Variants in DENND1A observed in about 807,000 individuals in gnomAD.
DENND1A encodes the protein DENN domain containing 1A, also known as DENN domain-containing protein 1A.
A neutral mutation model predicts 113.7 loss-of-function variants in DENND1A; 51 were observed. The observed-to-expected ratio is 0.45, with a 90% confidence interval of 0.36 to 0.57. DENND1A has a LOEUF of 0.57. DENND1A is among the 20% of genes least tolerant of loss of function. DENND1A has a pLI of 0.00. For missense variants in DENND1A, 1,258 were observed against 1,395.9 expected (o/e 0.90, Z 1.57); for synonymous variants, 565 against 570.8 (o/e 0.99, Z 0.14).
intron 2 of DENND1A, among the ~76,000 whole-genome samples, chr9:123,811,067 G>A (rs1836515345): frequency 6.6e-6 from 1 of 151,972 alleles, no homozygotes; most frequent in South Asian, 2.1e-4. Flanking sequence ...CCAAATCCCT[G>A]AACCTTTTCA....
Position 123,544,982 on chromosome 9 carries a change from T to C in DENND1A, c.993+12588A>G, listed in dbSNP as rs531789014. ...TCGTGGTGGCGGGCGCCTGTAGTCC[T>C]AGCTACTTGGGAGGCTGAGGCAGGA... On this transcript the variant is annotated intron_variant, in intron 13 of 23. Coordinates refer to ENST00000394215, the MANE Select transcript of DENND1A (RefSeq NM_001352964.2). 9.2e-4 allele frequency among the ~76,000 whole-genome samples: 140 copies of C among 151,886 alleles called. 2 individuals are homozygous for C. Among genetic ancestry groups the C allele is most frequent in the African/African-American group, 3.2e-3 (131 of 41,366 alleles).
chr9:123,451,363 A>G (rs1467676644), intron 17 of DENND1A, among the ~76,000 whole-genome samples: 5 of 152,374 alleles, frequency 3.3e-5, no homozygotes, highest in Middle Eastern at 3.4e-3. Flanking sequence ...ACCCCGCTTC[A>G]GTGGCTCACG....
At chr9:123,526,176 C>CAT (rs1329927889) in intron 13 of DENND1A, among the ~76,000 whole-genome samples, 2 of 151,344 alleles carry the variant, frequency 1.3e-5, no homozygotes, top group Non-Finnish European at 3.0e-5. Context: ...CATGTGCACA[C>CAT]ACACACACAC....
At chr9:123,452,714 C>T (rs1035258293) in intron 16 of DENND1A, among the ~76,000 whole-genome samples, 2 of 152,092 alleles carry the variant, frequency 1.3e-5, no homozygotes, top group Non-Finnish European at 1.5e-5. Flanking sequence ...CTAGTTACCA[C>T]GGATGACACT....
Position 123,641,663 on chromosome 9 carries a change from ATGAACT to A in DENND1A, c.618+10344_618+10349del, listed in dbSNP as rs376179412. Among the ~76,000 whole-genome samples the A allele has an allele frequency of 4.2e-3, 642 of 152,318 alleles. 1 individual carries two copies. The highest frequency in any genetic ancestry group is 6.8e-3 in the Middle Eastern group (2 of 294). On this transcript the variant is annotated intron_variant, in intron 9 of 23. Coordinates refer to ENST00000394215, the MANE Select transcript of DENND1A (RefSeq NM_001352964.2). ...GTCGGTACGCATAAACATCTTCTAA[ATGAACT>A]TGATCAGTCTCTATTATGTCGTCTC... is the stretch of plus-strand genomic sequence containing the variant.
chr9:123,596,588 G>C (rs1047716195), intron 11 of DENND1A, among the ~76,000 whole-genome samples: 1 of 152,142 alleles, frequency 6.6e-6, no homozygotes, highest in Non-Finnish European at 1.5e-5. Context: ...CCAAAGCCTG[G>C]TGCCTTTCTC....
At chr9:123,905,334 A>T (rs1373735101) in intron 1 of DENND1A, among the ~76,000 whole-genome samples, 1 of 150,890 alleles carries the variant, frequency 6.6e-6, no homozygotes, top group African/African-American at 2.5e-5. Flanking sequence ...TCATAATGAC[A>T]GGATCAAATT....
chr9:123,496,448 A>C (rs2051923238), intron 13 of DENND1A, among the ~76,000 whole-genome samples: 2 of 152,168 alleles, frequency 1.3e-5, no homozygotes, highest in South Asian at 4.1e-4. Flanking sequence ...TTTTATTTTT[A>C]AGACAGACAG....
intron 5 of DENND1A, among the ~76,000 whole-genome samples, chr9:123,709,894 T>G (rs950399870): frequency 6.6e-6 from 1 of 152,236 alleles, no homozygotes. Context: ...AAAGTTAATA[T>G]TGGTTCGGCA....
At chr9:123,916,664 T>C (rs1420940285) in intron 1 of DENND1A, among the ~76,000 whole-genome samples, 3 of 152,110 alleles carry the variant, frequency 2.0e-5, no homozygotes, top group Non-Finnish European at 4.4e-5. Context: ...TGAGCCACTG[T>C]GCCCGGCTGC....
At chr9:123,707,130 C>T (rs951979047) in intron 5 of DENND1A, among the ~76,000 whole-genome samples, 1 of 152,178 alleles carries the variant, frequency 6.6e-6, no homozygotes, top group Non-Finnish European at 1.5e-5. Flanking sequence ...CGCGGTGGCT[C>T]ACGCCTGTAA....
chr9:123,734,693 T>C (rs28668600), intron 5 of DENND1A, among the ~76,000 whole-genome samples: 27,425 of 152,048 alleles, frequency 0.18, 2,767 homozygotes, highest in African/African-American at 0.28. Flanking sequence ...ATTCTTCCTC[T>C]GCGGGACTGC....
intron 1 of DENND1A, among the ~76,000 whole-genome samples, chr9:123,888,974 G>A (rs1279424799): frequency 6.7e-6 from 1 of 150,360 alleles, no homozygotes; most frequent in Non-Finnish European, 1.5e-5. Context: ...GTGTGTGTGT[G>A]TGTGTGTGTG....
chr9:123,479,496 A>G (rs2050167525), intron 13 of DENND1A, among the ~76,000 whole-genome samples: 1 of 152,200 alleles, frequency 6.6e-6, no homozygotes, highest in Admixed American at 6.5e-5. Flanking sequence ...ACCTGCACAC[A>G]GCCCTGAAAG....
intron 13 of DENND1A, among the ~76,000 whole-genome samples, chr9:123,514,788 G>A (rs1191547572): frequency 1.3e-5 from 2 of 152,164 alleles, no homozygotes; most frequent in Non-Finnish European, 2.9e-5. Context: ...ACATTCCTTG[G>A]CTGTATCAAC....
chr9:123,535,210 C>T (rs1021121856), intron 13 of DENND1A, among the ~76,000 whole-genome samples: 1 of 152,156 alleles, frequency 6.6e-6, no homozygotes, highest in Non-Finnish European at 1.5e-5. Flanking sequence ...AAATAAGTGT[C>T]GTAAAACTTA....
chr9:123,860,996 T>C (rs1010833766), intron 2 of DENND1A, among the ~76,000 whole-genome samples: 2 of 152,210 alleles, frequency 1.3e-5, no homozygotes, highest in Non-Finnish European at 2.9e-5. Context: ...GGGTAATCAG[T>C]GATAATACTA....
At chr9:123,822,814 A>C (rs1838696502) in intron 2 of DENND1A, among the ~76,000 whole-genome samples, 1 of 152,224 alleles carries the variant, frequency 6.6e-6, no homozygotes. Flanking sequence ...AATTCACTTC[A>C]AGACCCATTA....
chr9:123,472,817 G>A (rs753168763), intron 13 of DENND1A, among the ~76,000 whole-genome samples: 4 of 152,158 alleles, frequency 2.6e-5, no homozygotes, highest in African/African-American at 9.6e-5. Flanking sequence ...GGCCAGCCAC[G>A]GTTCTCCAGG....
Sources: gnomAD v4.1 joint callset for allele counts (sites outside exome capture counted in the v4.1 genomes callset) on GRCh38, gnomAD v4.1.1 for gene constraint, MANE v1.5 for transcripts, NCBI Gene and HGNC (gene_info 2026-07-23, HGNC 2026-07-21) for gene names.